IPO11: variants seen among roughly 807,000 people sequenced by gnomAD.
IPO11 encodes the protein importin-11.
IPO11 carries 66 observed loss-of-function variants against 143.2 expected under a neutral mutation model. The observed-to-expected ratio is 0.46, with a 90% CI of 0.38 to 0.57. The LOEUF (loss-of-function observed/expected upper bound fraction) is 0.57. Among genes scored for constraint, IPO11 ranks in the 20% least tolerant of loss-of-function variants. The probability of loss-of-function intolerance (pLI) is 0.00; values close to 1 mark genes in which losing one functional copy is unlikely to be tolerated. For synonymous variants in IPO11, 385 were observed against 377.8 expected (o/e 1.02, Z -0.22); for missense variants, 1,026 against 1,141.0 (o/e 0.90, Z 1.45).
intron 28 of IPO11, among the ~76,000 whole-genome samples, chr5:62,597,647 C>T (rs746907345): frequency 6.6e-6 from 1 of 152,128 alleles, no homozygotes. Flanking sequence ...TTACTGTGTA[C>T]GAAGAGACCT....
intron 1 of IPO11, among the ~76,000 whole-genome samples, chr5:62,435,226 A>ATG (rs1720026841): frequency 6.9e-6 from 1 of 143,918 alleles, no homozygotes; most frequent in African/African-American, 2.6e-5. Flanking sequence ...ATATATATAT[A>ATG]TCAGAGCAGC....
At chr5:62,507,406 A>G (rs1447283816) in intron 19 of IPO11, among the ~76,000 whole-genome samples, 10 of 152,116 alleles carry the variant, frequency 6.6e-5, no homozygotes, top group Admixed American at 6.5e-4. Flanking sequence ...TTTTTTCAAC[A>G]ACATTGAGAG....
intron 6 of IPO11, 150 bp from the exon 7 acceptor site, chr5:62,470,100 C>T (rs1745714761): frequency 1.5e-6 from 1 of 686,516 alleles, no homozygotes; most frequent in African/African-American, 1.8e-5. Context: ...ATTTTTCCCA[C>T]TAATTTCCCA....
In IPO11 at chr5:62,484,175, T is replaced by A; in HGVS notation, c.1174+13T>A. ...CCAGAAGGCTTTAGTAAGAATTAAT[T>A]TTTTAGTGTTAGAATGACTTTTCTC... On this transcript the variant is annotated intron_variant, in intron 11 of 29. Transcript: ENST00000325324. 4 of 1,580,818 alleles carry A rather than the reference T, an allele frequency of 2.5e-6. No homozygotes were observed. The highest frequency in any genetic ancestry group is 3.4e-6 in the Non-Finnish European group (4 of 1,169,536).
chr5:62,512,622 TA>T (rs1741797498), intron 19 of IPO11: 1 of 503,660 alleles, frequency 2.0e-6, no homozygotes, highest in Non-Finnish European at 3.6e-6. Context: ...ATTTTTTTTT[TA>T]ATTGATCATT....
At chr5:62,563,742 G>A (rs1345102273) in intron 27 of IPO11, among the ~76,000 whole-genome samples, 1 of 152,048 alleles carries the variant, frequency 6.6e-6, no homozygotes, top group Non-Finnish European at 1.5e-5. Flanking sequence ...CAAAGTATTT[G>A]TGTGAAATTT....
At chr5:62,548,848 T>C (rs1414135636) in intron 24 of IPO11, among the ~76,000 whole-genome samples, 1 of 152,174 alleles carries the variant, frequency 6.6e-6, no homozygotes, top group Non-Finnish European at 1.5e-5. Context: ...TTTCAGTGTT[T>C]GTTTCTCATT....
intron 13 of IPO11, among the ~76,000 whole-genome samples, chr5:62,488,813 G>C (rs1224366520): frequency 1.3e-5 from 2 of 152,108 alleles, no homozygotes; most frequent in Non-Finnish European, 2.9e-5. Context: ...GACCAGCCTG[G>C]ACAACATGGC....
chr5:62,435,186 A>ATATGTATATG (rs1289622365), intron 1 of IPO11, among the ~76,000 whole-genome samples: 2 of 106,528 alleles, frequency 1.9e-5, no homozygotes, highest in African/African-American at 7.3e-5. Context: ...ATATGTATAT[A>ATATGTATATG]TATGTATATA....
chr5:62,556,407 C>T (rs529404181), intron 26 of IPO11, among the ~76,000 whole-genome samples: 1 of 152,296 alleles, frequency 6.6e-6, no homozygotes, highest in African/African-American at 2.4e-5. Context: ...AGGACTACTC[C>T]AGTTACTGCT....
At chr5:62,488,037 C>T (rs1746471405) in intron 13 of IPO11, among the ~76,000 whole-genome samples, 176 bp downstream of exon 13, 1 of 151,948 alleles carries the variant, frequency 6.6e-6, no homozygotes, top group Non-Finnish European at 1.5e-5. Flanking sequence ...TGAGATAGGC[C>T]TTGAATTATA....
intron 19 of IPO11, among the ~76,000 whole-genome samples, chr5:62,512,702 C>CA (rs1345302689): frequency 7.0e-6 from 1 of 142,936 alleles, no homozygotes; most frequent in East Asian, 2.1e-4. Flanking sequence ...GGTCAGCAGA[C>CA]AAACAAGTGA....
chr5:62,558,972 T>C (rs572243356), intron 26 of IPO11, among the ~76,000 whole-genome samples: 42 of 152,320 alleles, frequency 2.8e-4, no homozygotes, highest in African/African-American at 9.9e-4. Flanking sequence ...TATACTGTAG[T>C]ATATTAATAG....
intron 9 of IPO11, among the ~76,000 whole-genome samples, chr5:62,480,487 G>A (rs568334208): frequency 6.6e-6 from 1 of 152,216 alleles, no homozygotes; most frequent in East Asian, 1.9e-4. Flanking sequence ...AAAGTCATTG[G>A]TAGCTTGATG....
chr5:62,541,406 G>C (rs1002931494), intron 24 of IPO11, among the ~76,000 whole-genome samples: 1 of 151,644 alleles, frequency 6.6e-6, no homozygotes, highest in Non-Finnish European at 1.5e-5. Flanking sequence ...TTGACCAGGC[G>C]TGGTGGCTCA....
chr5:62,446,336 A>G (rs919873114), intron 3 of IPO11, among the ~76,000 whole-genome samples: 1 of 152,202 alleles, frequency 6.6e-6, no homozygotes, highest in African/African-American at 2.4e-5. Flanking sequence ...ATTTATAGTC[A>G]CATGTGTGTT....
intron 28 of IPO11, among the ~76,000 whole-genome samples, chr5:62,599,478 T>C (rs904108340): frequency 6.6e-6 from 1 of 152,262 alleles, no homozygotes; most frequent in African/African-American, 2.4e-5. Context: ...TTTTCTCATC[T>C]GTAAAATGGC....
At chr5:62,477,092 T>C (rs915588017) in intron 9 of IPO11, among the ~76,000 whole-genome samples, 1 of 152,156 alleles carries the variant, frequency 6.6e-6, no homozygotes, top group Non-Finnish European at 1.5e-5. Flanking sequence ...TAGAAGTAGA[T>C]CAAATGTAGC....
intron 1 of IPO11, among the ~76,000 whole-genome samples, chr5:62,424,657 G>T (rs777880187): frequency 3.3e-5 from 5 of 151,422 alleles, no homozygotes; most frequent in African/African-American, 9.7e-5. Context: ...TGCCAGGCTG[G>T]TGTTGAACTC....
Sources: allele counts gnomAD v4.1 joint callset (sites outside exome capture counted in the v4.1 genomes callset), GRCh38; gene constraint gnomAD v4.1.1; transcripts MANE v1.5; gene names NCBI Gene and HGNC (gene_info 2026-07-23, HGNC 2026-07-21).